Variants in ZNF257 observed in about 807,000 individuals in gnomAD.
ZNF257 encodes bone marrow zinc finger 4.
ZNF257 carries 12 observed loss-of-function variants against 11.9 expected under a neutral mutation model. That is an observed-to-expected ratio of 1.01 (90% CI 0.65 to 1.63). The LOEUF is 1.63. Ranked by LOEUF, ZNF257 falls within the 40% of genes most tolerant of loss-of-function variation. The pLI is 0.00. For missense variants in ZNF257, 580 were observed against 665.5 expected, an observed-to-expected ratio of 0.87 and a Z score of 1.41; for synonymous variants, 183 against 222.7, an observed-to-expected ratio of 0.82 and a Z score of 1.59.
rs745733921 is a variant in ZNF257, at chr19:22,090,680, T to C, written c.*1238T>C. ...TATGTAACTTTAAAATGAGTAGACA[T>C]TTCTTTGAGAAGTCATAATTAAATT... On this transcript the variant is annotated 3_prime_UTR_variant, in exon 4 of 4. Transcript: ENST00000594947. 5 of 152,142 alleles carry C rather than the reference T, an allele frequency of 3.3e-5. No homozygotes were observed. Among genetic ancestry groups the C allele is most frequent in the Non-Finnish European group, 7.4e-5 (5 of 67,998 alleles). The allele number at this position is 152,142 out of a possible 1,614,324, so 9.4% of individuals were successfully genotyped here. A position where few individuals can be genotyped will look rare whatever the true frequency, so the allele number is the denominator to read the frequency against.
At chr19:22,079,893 T>C (rs1207460381) in intron 3 of ZNF257, among the ~76,000 whole-genome samples, 1 of 152,200 alleles carries the variant, frequency 6.6e-6, no homozygotes, top group East Asian at 1.9e-4. Context: ...TTTATATACT[T>C]TTGGACTTGC....
At chr19:22,082,839 TCA>T (rs1255556395) in intron 3 of ZNF257, among the ~76,000 whole-genome samples, 1 of 152,216 alleles carries the variant, frequency 6.6e-6, no homozygotes, top group Non-Finnish European at 1.5e-5. Context: ...TTTTGATTTT[TCA>T]GTTTATATTA....
chr19:22,080,810 A>G (rs1470606683), intron 3 of ZNF257, among the ~76,000 whole-genome samples: 1 of 151,138 alleles, frequency 6.6e-6, no homozygotes, highest in East Asian at 1.9e-4. Flanking sequence ...CCCTGATATT[A>G]TATATACATA....
rs774964946 is a variant in ZNF257 at position 22,088,551 on chromosome 19, C to T, written c.801C>T (p.Asn267=). 6.2e-7 allele frequency: 1 copy of T among 1,613,374 alleles called. No homozygotes were observed. Among genetic ancestry groups the T allele is most frequent in the Non-Finnish European group, 8.5e-7 (1 of 1,179,812 alleles). Residue 267 remains asparagine, a synonymous_variant, in exon 4 of 4, where the codon AAC becomes AAT. Transcript: ENST00000594947. ...GTGAAGAGTGTGGCAAAGCCTTTAA[C>T]CGGTCTTCACACATTACTCAACATA... ...YKCEECGKAF[N]RSSHITQHKR... is the part of the protein sequence containing the mutation.
At chr19:22,087,139 A>C (rs1434058051) in intron 3 of ZNF257, among the ~76,000 whole-genome samples, 1 of 151,278 alleles carries the variant, frequency 6.6e-6, no homozygotes, top group Non-Finnish European at 1.5e-5. Flanking sequence ...TTTATTTTAT[A>C]ATGATTGCTT....
intron 1 of ZNF257, among the ~76,000 whole-genome samples, chr19:22,058,200 A>G (rs985622613): frequency 5.3e-5 from 8 of 152,222 alleles, no homozygotes; most frequent in African/African-American, 1.2e-4. Context: ...CCTGGAGCAC[A>G]CAAAGGATGG....
chr19:22,054,998 G>T (rs1377621630), intron 1 of ZNF257, among the ~76,000 whole-genome samples: 2 of 150,352 alleles, frequency 1.3e-5, no homozygotes, highest in African/African-American at 4.9e-5. Flanking sequence ...GCTGCCCCAG[G>T]GCTGAGAGGA....
Position 22,072,825 on chromosome 19 carries a change from G to A in ZNF257, c.20G>A (p.Arg7Lys). The A allele has an allele frequency of 6.2e-7, 1 of 1,612,126 alleles. No homozygotes were observed. Among genetic ancestry groups the A allele is most frequent in the Non-Finnish European group, 8.5e-7 (1 of 1,179,196 alleles). MGPLTI[R>K]DVTVEFSLEE... Reference sequence around the variant, plus strand: ...GTTTTTCAGGGACCACTGACAATTAGGGATGTGACTGTAGAATTCTCTCTG... The same window carrying A: ...GTTTTTCAGGGACCACTGACAATTAAGGATGTGACTGTAGAATTCTCTCTG... The change falls in exon 2 of 4, where the codon AGG becomes AAG. Residue 7 changes from arginine to lysine, a missense_variant. By Grantham distance (26) the Arg-to-Lys change is conservative. Transcript: ENST00000594947.
chr19:22,075,285 GTACCT>G (rs1470384206), intron 3 of ZNF257: 3 of 154,462 alleles, frequency 1.9e-5, no homozygotes, highest in African/African-American at 7.2e-5. Context: ...TGTATATAAT[GTACCT>G]TAAATCGGGA....
intron 1 of ZNF257, among the ~76,000 whole-genome samples, chr19:22,053,839 C>T (rs1218785701): frequency 3.3e-5 from 5 of 151,892 alleles, no homozygotes; most frequent in Non-Finnish European, 7.4e-5. Flanking sequence ...GCAGGAGAAT[C>T]GCTTGAACCC....
At chr19:22,087,036 C>T (rs565151808) in intron 3 of ZNF257, among the ~76,000 whole-genome samples, 5 of 151,292 alleles carry the variant, frequency 3.3e-5, no homozygotes, top group African/African-American at 4.8e-5. Flanking sequence ...ATATTTTTGC[C>T]GTTTTTCTTA....
At chr19:22,069,783 A>T (rs1004201696) in intron 1 of ZNF257, among the ~76,000 whole-genome samples, 2 of 152,064 alleles carry the variant, frequency 1.3e-5, no homozygotes, top group African/African-American at 4.8e-5. Context: ...TATTTGTTTA[A>T]ATGGATTATT....
At chr19:22,062,493 T>G (rs982186576) in intron 1 of ZNF257, among the ~76,000 whole-genome samples, 1 of 150,978 alleles carries the variant, frequency 6.6e-6, no homozygotes, top group African/African-American at 2.4e-5. Flanking sequence ...TCTTTTTTTT[T>G]TTTTTTGAGA....
chr19:22,084,889 C>A (rs1369097474), intron 3 of ZNF257, among the ~76,000 whole-genome samples: 1 of 151,726 alleles, frequency 6.6e-6, no homozygotes, highest in Non-Finnish European at 1.5e-5. Flanking sequence ...GCCACCAGGC[C>A]CAGTTAATTT....
chr19:22,073,117 A>C (rs1348631602), intron 2 of ZNF257, among the ~76,000 whole-genome samples, 182 bp downstream of exon 2: 1 of 151,950 alleles, frequency 6.6e-6, no homozygotes, highest in African/African-American at 2.4e-5. Context: ...TAGAAAAAAA[A>C]ATTTCTTCAA....
chr19:22,077,419 A>T (rs910509507), intron 3 of ZNF257, among the ~76,000 whole-genome samples: 2 of 152,190 alleles, frequency 1.3e-5, no homozygotes, highest in South Asian at 4.1e-4. Context: ...CTCAATACCC[A>T]TTAAATAACA....
At chr19:22,078,349 T>C (rs777422226) in intron 3 of ZNF257, among the ~76,000 whole-genome samples, 2 of 152,062 alleles carry the variant, frequency 1.3e-5, no homozygotes, top group African/African-American at 2.4e-5. Flanking sequence ...GCATTTTCTT[T>C]TAAATGCATT....
Position 22,089,919 on chromosome 19 carries a change from TAAAAA to T in ZNF257, c.*482_*486del, listed in dbSNP as rs896376036. 6.4e-6 allele frequency: 1 copy of T among 155,326 alleles called. No homozygotes were observed. The highest frequency in any genetic ancestry group is 1.4e-5 in the Non-Finnish European group (1 of 70,206). The allele number at this position is 155,326 out of a possible 1,614,324, so 9.6% of individuals were successfully genotyped here. Reference sequence around the variant, plus strand: ...ACAATACCTCAAACTTTTCTAAACATAAAAAAAAATTATACTAGTGCGAAACTCTA... The same window carrying T: ...ACAATACCTCAAACTTTTCTAAACATAAAATTATACTAGTGCGAAACTCTA... On this transcript the variant is annotated 3_prime_UTR_variant, in exon 4 of 4. Transcript: ENST00000594947.
Position 22,089,671 on chromosome 19 carries a change from C to A in ZNF257, c.*229C>A, listed in dbSNP as rs771935173. 6.2e-5 allele frequency: 69 copies of A among 1,109,980 alleles called. No individual in the cohort carries two copies. The Admixed American group carries it at 1.0e-3, about 17-fold the overall frequency. 68.8% of individuals were successfully genotyped at this position (1,109,980 alleles called of 1,614,324 possible). A position where few individuals can be genotyped will look rare whatever the true frequency, so the allele number is the denominator to read the frequency against. ...GCCTCTTCCCAGTTCTCAACTCTTA[C>A]TAAACATGAGAACACATGTGGAAGA... On this transcript the variant is annotated 3_prime_UTR_variant, in exon 4 of 4. Transcript: ENST00000594947.
Sources: gnomAD v4.1 joint callset for allele counts (sites outside exome capture counted in the v4.1 genomes callset) on GRCh38, gnomAD v4.1.1 for gene constraint, MANE v1.5 for transcripts, NCBI Gene and HGNC (gene_info 2026-07-23, HGNC 2026-07-21) for gene names.